CSMD1: variants seen among roughly 807,000 people sequenced by gnomAD.
CSMD1 encodes CUB and sushi domain-containing protein 1.
A neutral mutation model predicts 417.5 loss-of-function variants in CSMD1; 213 were observed. The ratio of observed to expected loss-of-function variants is 0.51; its 90% CI spans 0.46 to 0.57. The LOEUF (loss-of-function observed/expected upper bound fraction) is 0.57, where lower values mean the gene tolerates loss of function less well. Ranked by LOEUF, CSMD1 falls within the 20% of genes least tolerant of loss-of-function variation. CSMD1 has a pLI of 0.00. For missense variants in CSMD1, 6,923 were observed against 4,529.7 expected (o/e 1.53, Z -15.17); for synonymous variants, 2,862 against 1,736.8 (o/e 1.65, Z -16.11).
At chr8:3,451,122 A>G (rs896043366) in intron 12 of CSMD1, among the ~76,000 whole-genome samples, 1 of 152,154 alleles carries the variant, frequency 6.6e-6, no homozygotes, top group Non-Finnish European at 1.5e-5. Flanking sequence ...TCTTTTGAGA[A>G]GTGTCTGTTC....
chr8:4,462,211 G>C (rs1799878203), intron 2 of CSMD1, among the ~76,000 whole-genome samples: 1 of 152,042 alleles, frequency 6.6e-6, no homozygotes. Flanking sequence ...ATAGTAATAA[G>C]CTGAACATGA....
intron 10 of CSMD1, among the ~76,000 whole-genome samples, chr8:3,561,668 G>A (rs1288822744): frequency 6.6e-6 from 1 of 152,128 alleles, no homozygotes; most frequent in African/African-American, 2.4e-5. Flanking sequence ...TGCACATTGG[G>A]TACCATGCTG....
intron 10 of CSMD1, among the ~76,000 whole-genome samples, chr8:3,565,775 G>C (rs1799679022): frequency 6.6e-6 from 1 of 151,934 alleles, no homozygotes; most frequent in South Asian, 2.1e-4. Flanking sequence ...AACACAAATT[G>C]CTGTGACTAA....
Position 3,855,554 on chromosome 8 carries a change from A to G in CSMD1, c.819-101512T>C, listed in dbSNP as rs536774450. On this transcript the variant is annotated intron_variant, in intron 5 of 69. Coordinates refer to ENST00000635120, the MANE Select transcript of CSMD1 (RefSeq NM_033225.6). ...TGCCACTGTAGGCATTAATGAGTTT[A>G]ACAGAAATACTGATTAACTGAGTTT... Among the ~76,000 whole-genome samples the G allele has an allele frequency of 2.0e-3, 302 of 152,334 alleles. 2 individuals are homozygous for G. The highest frequency in any genetic ancestry group is 3.1e-3 in the Non-Finnish European group (213 of 68,030).
intron 8 of CSMD1, among the ~76,000 whole-genome samples, chr8:3,608,829 C>T (rs978542845): frequency 2.0e-5 from 3 of 151,894 alleles, no homozygotes; most frequent in Admixed American, 6.6e-5. Flanking sequence ...TATGTGGATC[C>T]GTGGTGCCAA....
At chr8:4,041,911 G>A (rs1412955030) in intron 3 of CSMD1, among the ~76,000 whole-genome samples, 2 of 151,930 alleles carry the variant, frequency 1.3e-5, no homozygotes, top group African/African-American at 4.8e-5. Flanking sequence ...ATAGCAGAAG[G>A]TAACATTAAT....
rs554584550 is a variant in CSMD1, at chr8:4,905,048, C to G, written c.85+89284G>C. Among the ~76,000 whole-genome samples the G allele has an allele frequency of 3.3e-5, 5 of 152,278 alleles. No homozygotes were observed. In the East Asian group the frequency reaches 9.7e-4, roughly 29 times the overall value. On this transcript the variant is annotated intron_variant, in intron 1 of 69. Coordinates refer to ENST00000635120, the MANE Select transcript of CSMD1 (RefSeq NM_033225.6). Reference sequence around the variant, plus strand: ...AGAAATTAAAAATAGCTGGGACCTTCTGAAGCTCTCAAACATTTCTCTGCC... The same window carrying G: ...AGAAATTAAAAATAGCTGGGACCTTGTGAAGCTCTCAAACATTTCTCTGCC...
intron 18 of CSMD1, among the ~76,000 whole-genome samples, chr8:3,380,254 G>A (rs1374174113): frequency 6.6e-6 from 1 of 152,180 alleles, no homozygotes; most frequent in Non-Finnish European, 1.5e-5. Flanking sequence ...TGCTGGAGAG[G>A]CTGTGGAGAA....
intron 3 of CSMD1, among the ~76,000 whole-genome samples, chr8:4,377,049 T>C (rs141853985): frequency 3.9e-5 from 6 of 152,316 alleles, no homozygotes; most frequent in African/African-American, 1.4e-4. Context: ...TTTCAGATTG[T>C]TCTCCTGGAT....
chr8:3,043,172 A>G (rs1345193456), intron 50 of CSMD1, among the ~76,000 whole-genome samples: 4 of 151,710 alleles, frequency 2.6e-5, no homozygotes. Flanking sequence ...TACAGATTAT[A>G]TAGTACCATA....
intron 4 of CSMD1, among the ~76,000 whole-genome samples, chr8:4,026,259 C>T (rs923088955): frequency 6.6e-6 from 1 of 152,086 alleles, no homozygotes; most frequent in African/African-American, 2.4e-5. Context: ...TATAAAATAA[C>T]ATGTAATGGA....
chr8:4,148,179 G>A (rs1406862833), intron 3 of CSMD1, among the ~76,000 whole-genome samples: 1 of 152,078 alleles, frequency 6.6e-6, no homozygotes, highest in Non-Finnish European at 1.5e-5. Context: ...TAAGTCAGCT[G>A]GGACCACTAT....
intron 3 of CSMD1, among the ~76,000 whole-genome samples, chr8:4,273,648 G>A (rs1374030248): frequency 6.6e-6 from 1 of 152,120 alleles, no homozygotes; most frequent in Non-Finnish European, 1.5e-5. Context: ...AACTCTAATA[G>A]AGAGCAGTAA....
At chr8:4,942,857 A>T in intron 1 of CSMD1, among the ~76,000 whole-genome samples, 1 of 152,346 alleles carries the variant, frequency 6.6e-6, no homozygotes, top group South Asian at 2.1e-4. Context: ...TGGGACCTTT[A>T]TTTGTATCCA....
chr8:4,067,108 C>G (rs1234017185), intron 3 of CSMD1, among the ~76,000 whole-genome samples: 3 of 152,180 alleles, frequency 2.0e-5, no homozygotes, highest in Non-Finnish European at 1.5e-5. Context: ...TCTTTTTCCT[C>G]AAATGTGTTT....
At chr8:3,570,128 A>G (rs1326084694) in intron 10 of CSMD1, among the ~76,000 whole-genome samples, 1 of 152,246 alleles carries the variant, frequency 6.6e-6, no homozygotes, top group African/African-American at 2.4e-5. Context: ...GACAAGTTTA[A>G]AAGTCCACTT....
rs763421861 is a variant in CSMD1 at position 3,201,601 on chromosome 8, T to G, written c.5098+11A>C. On this transcript the variant is annotated intron_variant, in intron 32 of 69. Transcript: ENST00000635120. ...TGAACTAAATTAAGGGCAAAATTCT[T>G]TAAGACTTACCTGAGTGAGACCCCG... The G allele has an allele frequency of 1.9e-6, 3 of 1,550,106 alleles. No individual in the cohort carries two copies. Among genetic ancestry groups the G allele is most frequent in the Non-Finnish European group, 2.6e-6 (3 of 1,135,780 alleles).
At chr8:4,240,464 A>G (rs539968477) in intron 3 of CSMD1, among the ~76,000 whole-genome samples, 1 of 152,368 alleles carries the variant, frequency 6.6e-6, no homozygotes, top group East Asian at 1.9e-4. Context: ...CACATCTCAG[A>G]TAACAATCTA....
chr8:4,453,561 A>C (rs1014868473), intron 2 of CSMD1, among the ~76,000 whole-genome samples: 3 of 152,172 alleles, frequency 2.0e-5, no homozygotes, highest in African/African-American at 7.2e-5. Flanking sequence ...CTTGGGCCAC[A>C]TGACTGGCTT....
Sources: gnomAD v4.1 joint callset for allele counts (sites outside exome capture counted in the v4.1 genomes callset) on GRCh38, gnomAD v4.1.1 for gene constraint, MANE v1.5 for transcripts, NCBI Gene and HGNC (gene_info 2026-07-23, HGNC 2026-07-21) for gene names.